The following REPS2 variants were observed in gnomAD, a reference collection of about 807,000 sequenced individuals.
The protein encoded by REPS2 is RALBP1 associated Eps domain containing 2.
Under a neutral mutation model 53.6 loss-of-function variants are expected in REPS2, and 23 were observed. The observed-to-expected ratio is 0.43, with a 90% CI of 0.31 to 0.61. REPS2 has a LOEUF of 0.61. REPS2 is among the 20% of genes least tolerant of loss of function. REPS2 has a pLI of 0.11. For synonymous variants in REPS2, 238 were observed against 218.6 expected, an observed-to-expected ratio of 1.09 and a Z score of -0.78; for missense variants, 446 against 534.9, an observed-to-expected ratio of 0.83 and a Z score of 1.64.
rs145539396 is a variant in REPS2 at position 17,045,306 on chromosome X, G to T, written c.772-2041G>T. On this transcript the variant is annotated intron_variant, in intron 5 of 17. Transcript: ENST00000357277. ...TGCAACCCAGTTAAAAAAAATCCCGGTATACAAAATCCTGCCTTTGAATAA... is the reference window on the plus strand; with the variant it reads ...TGCAACCCAGTTAAAAAAAATCCCGTTATACAAAATCCTGCCTTTGAATAA... Among the ~76,000 whole-genome samples the T allele has an allele frequency of 8.0e-3, 876 of 110,067 alleles. 12 individuals are homozygous for T. Among genetic ancestry groups the T allele is most frequent in the African/African-American group, 0.028 (848 of 30,265 alleles).
At chrX:17,115,873 A>C (rs142361377) in intron 14 of REPS2, among the ~76,000 whole-genome samples, 2,143 of 111,862 alleles carry the variant, frequency 0.019, 48 homozygotes, top group African/African-American at 0.067. Context: ...ACAGCATCTC[A>C]AGGCAGAAGA....
At chrX:17,050,434 A>G (rs752395594) in intron 6 of REPS2, among the ~76,000 whole-genome samples, 1 of 108,012 alleles carries the variant, frequency 9.3e-6, no homozygotes, top group African/African-American at 3.4e-5. Context: ...TAGATACACA[A>G]ATAGTTACTA....
At chrX:17,081,638 A>G (rs929181645) in intron 13 of REPS2, among the ~76,000 whole-genome samples, 8 of 112,414 alleles carry the variant, frequency 7.1e-5, no homozygotes, top group African/African-American at 9.7e-5. Context: ...AGTAGCCTAG[A>G]TGATTCCAGG....
chrX:17,042,151 CCT>C (rs2061838495), intron 5 of REPS2, among the ~76,000 whole-genome samples: 1 of 111,803 alleles, frequency 8.9e-6, no homozygotes, highest in South Asian at 3.7e-4. Context: ...AAGATTTCTC[CCT>C]CTCTCCTTTT....
intron 13 of REPS2, among the ~76,000 whole-genome samples, chrX:17,102,663 T>C (rs1474872274): frequency 1.8e-5 from 2 of 112,583 alleles, no homozygotes; most frequent in Non-Finnish European, 3.7e-5. Context: ...CTCTGTGATA[T>C]TACCCTGAGT....
chrX:17,098,391 G>A (rs1442548628), intron 13 of REPS2, among the ~76,000 whole-genome samples: 1 of 111,667 alleles, frequency 9.0e-6, no homozygotes, highest in Admixed American at 9.5e-5. Flanking sequence ...TTTTTTCAGG[G>A]ATTATATATC....
Position 17,015,658 on chromosome X carries a change from G to A in REPS2, c.398-6465G>A, listed in dbSNP as rs868027446. ...TTCCCACCTATGAGTGAGAACATGC[G>A]GTGTTTGGTTTTTTGTCCTTGCAAT... On this transcript the variant is annotated intron_variant, in intron 2 of 17. Transcript: ENST00000357277. Among the ~76,000 whole-genome samples, 193 of 109,689 alleles carry A rather than the reference G, an allele frequency of 1.8e-3. 1 individual carries two copies. Among genetic ancestry groups the A allele is most frequent in the African/African-American group, 5.9e-3 (179 of 30,098 alleles).
At chrX:16,982,190 A>G (rs926365514) in intron 1 of REPS2, among the ~76,000 whole-genome samples, 1 of 112,130 alleles carries the variant, frequency 8.9e-6, no homozygotes, top group Admixed American at 9.5e-5. Context: ...TTTTCTGGAT[A>G]TACCAGATTT....
chrX:17,055,256 T>A (rs1442993684), intron 8 of REPS2, among the ~76,000 whole-genome samples: 3 of 60,896 alleles, frequency 4.9e-5, no homozygotes, highest in Non-Finnish European at 9.1e-5. Flanking sequence ...TATTAGCCCT[T>A]TGTCAGATGA....
In REPS2 at chrX:16,946,961, G is replaced by C; in HGVS notation, c.100G>C (p.Glu34Gln). 1 of 888,528 alleles carries C rather than the reference G, an allele frequency of 1.1e-6. No homozygotes were observed. Among genetic ancestry groups the C allele is most frequent in the African/African-American group, 2.1e-5 (1 of 46,921 alleles). 73.2% of individuals were successfully genotyped at this position (888,528 alleles called of 1,213,427 possible). A position where few individuals can be genotyped will look rare whatever the true frequency, so the allele number is the denominator to read the frequency against. ...GPPPLLLSEG[E>Q]QQCYSELFAR... is the part of the protein sequence containing the mutation. ...GCCGCCGCTGCTGCTGAGCGAGGGC[G>C]AGCAGCAGTGCTACTCCGAGCTCTT... Residue 34 changes from glutamate (E) to glutamine (Q), a missense_variant, in exon 1 of 18, where the codon GAG becomes CAG. Physicochemically the swap from Glu to Gln is conservative, Grantham distance 29. Transcript: ENST00000357277.
At chrX:16,989,251 CAA>C (rs35448158) in intron 1 of REPS2, among the ~76,000 whole-genome samples, 1,292 of 91,904 alleles carry the variant, frequency 0.014, 26 homozygotes, top group Middle Eastern at 0.022. Context: ...ATCAATATGT[CAA>C]AAAAAAAAAA....
At chrX:17,155,214 G>T (rs1285794897), downstream of REPS2, among the ~76,000 whole-genome samples, 3 of 111,706 alleles carry the variant, frequency 2.7e-5, no homozygotes, top group African/African-American at 9.8e-5. Flanking sequence ...TTGCTGGTGG[G>T]ACTCTCTGTA....
downstream of REPS2, among the ~76,000 whole-genome samples, chrX:17,154,271 A>G (rs904689241): frequency 1.8e-5 from 2 of 111,717 alleles, no homozygotes; most frequent in African/African-American, 6.5e-5. Flanking sequence ...GCTGTGCTAC[A>G]TTTTCTATCC....
At chrX:17,027,412 G>A (rs2061658397) in intron 4 of REPS2, among the ~76,000 whole-genome samples, 1 of 111,900 alleles carries the variant, frequency 8.9e-6, no homozygotes, top group South Asian at 3.7e-4. Flanking sequence ...TTAGTAGTGG[G>A]ATATATTGTG....
chrX:17,149,685 A>C lies in REPS2; in HGVS notation c.*2204A>C, dbSNP rs1487583386. ...CAATCCAGGAAAGACTAGCATGTGCACTTTATCTCATAATCTTCCAGTACA... is the reference window on the plus strand; with the variant it reads ...CAATCCAGGAAAGACTAGCATGTGCCCTTTATCTCATAATCTTCCAGTACA... On this transcript the variant is annotated 3_prime_UTR_variant, in exon 18 of 18. Coordinates refer to ENST00000357277, the MANE Select transcript of REPS2 (RefSeq NM_004726.3). The C allele has an allele frequency of 8.9e-6, 1 of 112,507 alleles. No homozygotes were observed. The highest frequency in any genetic ancestry group is 1.9e-5 in the Non-Finnish European group (1 of 53,342). The allele number at this position is 112,507 out of a possible 1,213,427, so 9.3% of individuals were successfully genotyped here. A position where few individuals can be genotyped will look rare whatever the true frequency, so the allele number is the denominator to read the frequency against.
At position 17,135,374 on chromosome X, in the gene REPS2, G is replaced by A. The variant is rs773733468; in HGVS notation, c.1776G>A (p.Ala592=). Residue 592 remains alanine (A), a synonymous_variant, in exon 16 of 18, where the codon GCG becomes GCA. Transcript: ENST00000357277. ...CTGCTGCAAGTGGGCCAGCTTCTGC[G>A]GCAACCATGAAACCGCATCCAACAG... ...PSTAASGPAS[A]ATMKPHPTVQ... is the part of the protein sequence containing the mutation. 1.6e-5 allele frequency: 19 copies of A among 1,210,918 alleles called. 1 individual carries two copies. The South Asian group carries it at 2.5e-4, about 16-fold the overall frequency.
the REPS2 span, among the ~76,000 whole-genome samples, chrX:17,172,438 T>C: frequency 8.9e-6 from 1 of 111,901 alleles, no homozygotes. Flanking sequence ...TCCACACATA[T>C]AATATGTGCC....
chrX:17,090,997 T>G (rs1308608985), intron 13 of REPS2, among the ~76,000 whole-genome samples: 1 of 112,398 alleles, frequency 8.9e-6, no homozygotes, highest in Non-Finnish European at 1.9e-5. Flanking sequence ...CCTTTTCCTG[T>G]TGCCTTGGCA....
the REPS2 span, among the ~76,000 whole-genome samples, chrX:17,159,273 T>G: frequency 9.0e-6 from 1 of 111,697 alleles, no homozygotes; most frequent in African/African-American, 3.3e-5. Flanking sequence ...AGACTCAGTT[T>G]GAACTTTTTA....
Sources: allele counts gnomAD v4.1 joint callset (sites outside exome capture counted in the v4.1 genomes callset), GRCh38; gene constraint gnomAD v4.1.1; transcripts MANE v1.5; gene names NCBI Gene and HGNC (gene_info 2026-07-23, HGNC 2026-07-21).